Variants in FAM168A observed in about 807,000 individuals in gnomAD.
The protein encoded by FAM168A is protein FAM168A.
A neutral mutation model predicts 28.5 loss-of-function variants in FAM168A; 3 were observed. The ratio of observed to expected loss-of-function variants is 0.11; its 90% confidence interval spans 0.05 to 0.27. The LOEUF (loss-of-function observed/expected upper bound fraction) is 0.27. FAM168A is among the 10% of genes least tolerant of loss of function. The probability of loss-of-function intolerance (pLI) is 1.00; values close to 1 mark genes in which losing one functional copy is unlikely to be tolerated. For synonymous variants in FAM168A, 122 were observed against 124.2 expected (o/e 0.98, Z 0.12); for missense variants, 222 against 311.5 (o/e 0.71, Z 2.16).
At chr11:73,409,786 A>G (rs952887187) in intron 5 of FAM168A, 125 bp from the exon 6 acceptor site, 9 of 973,938 alleles carry the variant, frequency 9.2e-6, no homozygotes, top group Non-Finnish European at 1.4e-5. Flanking sequence ...TTACTATGTG[A>G]CTGTGGTCAG....
intron 1 of FAM168A, among the ~76,000 whole-genome samples, chr11:73,548,474 G>A (rs1026483741): frequency 2.6e-5 from 4 of 152,072 alleles, no homozygotes; most frequent in Non-Finnish European, 4.4e-5. Flanking sequence ...AACAGCCAGG[G>A]GCTCCAAGAC....
Position 73,411,458 on chromosome 11 carries a change from T to C in FAM168A, c.356A>G (p.Asn119Ser). The C allele has an allele frequency of 6.2e-7, 1 of 1,612,826 alleles. No homozygotes were observed. Residue 119 changes from asparagine (N) to serine (S), a missense_variant, in exon 5 of 8, where the codon AAC (asparagine) becomes AGC (serine). Asn to Ser is a conservative substitution (Grantham distance 46). This residue lies in a region of FAM168A where 153 missense variants were observed against 189.2 expected (regional missense o/e 0.81). Coordinates refer to ENST00000356467, the MANE Select transcript of FAM168A (RefSeq NM_015159.3). The part of the protein sequence containing the change: ...TAPPPYSPSP[N>S]PYQTAMYPIR... ...TGGATACATGGCCGTCTGATAGGGGTTGGGTGATGGGGAGTAGGGGGGTGG... is the reference window on the plus strand; with the variant it reads ...TGGATACATGGCCGTCTGATAGGGGCTGGGTGATGGGGAGTAGGGGGGTGG...
At chr11:73,591,433 C>T (rs1470854007) in intron 1 of FAM168A, among the ~76,000 whole-genome samples, 1 of 152,206 alleles carries the variant, frequency 6.6e-6, no homozygotes, top group Non-Finnish European at 1.5e-5. Flanking sequence ...CTGCCATAGA[C>T]ACTCAAATGT....
rs575353457 is a variant in FAM168A, at chr11:73,564,177, C to T, written c.-19+33746G>A. Among the ~76,000 whole-genome samples, 10 of 152,328 alleles carry T rather than the reference C, an allele frequency of 6.6e-5. No homozygotes were observed. In the South Asian group the frequency reaches 2.1e-3, roughly 32 times the overall value. ...AACACATTTACCCCTAAACCAATCA[C>T]TATGGCCGGAAGAATGTGATGCCTT... On this transcript the variant is annotated intron_variant, in intron 1 of 7. Coordinates refer to ENST00000356467, the MANE Select transcript of FAM168A (RefSeq NM_015159.3).
At chr11:73,586,051 G>A (rs1944310282) in intron 1 of FAM168A, among the ~76,000 whole-genome samples, 1 of 152,044 alleles carries the variant, frequency 6.6e-6, no homozygotes, top group African/African-American at 2.4e-5. Context: ...CTTAGCACTG[G>A]CTCAATCACT....
At chr11:73,455,285 C>A (rs986540260) in intron 2 of FAM168A, among the ~76,000 whole-genome samples, 1 of 152,222 alleles carries the variant, frequency 6.6e-6, no homozygotes, top group Non-Finnish European at 1.5e-5. Context: ...CCTGCCAGCG[C>A]CCAAAAGCAC....
rs1215716545 is a variant in FAM168A, at chr11:73,400,790, AC to A, written c.*5972del. The A allele has an allele frequency of 1.3e-5, 2 of 150,954 alleles. No individual in the cohort carries two copies. Among genetic ancestry groups the A allele is most frequent in the Admixed American group, 1.3e-4 (2 of 15,170 alleles). The allele number at this position is 150,954 out of a possible 1,614,324, so 9.4% of individuals were successfully genotyped here. ...GAACCACTCAGTCTAGTCACCTAAG[AC>A]TTTTTTTTGGGGGGGAATTTTTTTT... On this transcript the variant is annotated 3_prime_UTR_variant, in exon 8 of 8. Transcript: ENST00000356467.
intron 3 of FAM168A, among the ~76,000 whole-genome samples, chr11:73,426,134 T>C (rs1455793922): frequency 6.6e-6 from 1 of 152,244 alleles, no homozygotes; most frequent in African/African-American, 2.4e-5. Flanking sequence ...AAGATTCTCA[T>C]GAGGAGGTTA....
chr11:73,565,116 C>T (rs369748137), intron 1 of FAM168A, among the ~76,000 whole-genome samples: 2 of 152,150 alleles, frequency 1.3e-5, no homozygotes, highest in African/African-American at 4.8e-5. Flanking sequence ...TTGCTCAGCA[C>T]TTAAGTACAC....
chr11:73,558,492 AGTGGAAAGACAACCCACTGAATAAG>A (rs1943915958), intron 1 of FAM168A, among the ~76,000 whole-genome samples: 1 of 147,042 alleles, frequency 6.8e-6, no homozygotes, highest in Non-Finnish European at 1.5e-5. Flanking sequence ...AAAAAAAAAA[AGTGGAAAGACAACCCACTGAATAAG>A]AAAAAATATT....
intron 2 of FAM168A, among the ~76,000 whole-genome samples, chr11:73,467,640 A>G (rs1867755577): frequency 6.6e-6 from 1 of 152,214 alleles, no homozygotes; most frequent in Non-Finnish European, 1.5e-5. Context: ...GGCAGCCAGG[A>G]TCAAAGCAAA....
intron 1 of FAM168A, among the ~76,000 whole-genome samples, chr11:73,500,663 T>C (rs7129546): frequency 0.083 from 12,574 of 152,196 alleles, 648 homozygotes; most frequent in Non-Finnish European, 0.11. Flanking sequence ...CCACCAGGCC[T>C]GCCCTGCAAG....
At chr11:73,592,056 G>A (rs944699763) in intron 1 of FAM168A, among the ~76,000 whole-genome samples, 4 of 152,168 alleles carry the variant, frequency 2.6e-5, no homozygotes, top group South Asian at 2.1e-4. Flanking sequence ...AGCAGAAATC[G>A]TCAAGCTTGA....
In FAM168A at chr11:73,508,977, C is replaced by A. The variant is rs1316658259; in HGVS notation, c.-18-40485G>T. ...TCCCCTGCACATGCTCTCTTGCCTG[C>A]TGCCATGTAAGACATGCCTTTGCTC... On this transcript the variant is annotated intron_variant, in intron 1 of 7. Coordinates refer to ENST00000356467, the MANE Select transcript of FAM168A (RefSeq NM_015159.3). Among the ~76,000 whole-genome samples, 4 of 152,224 alleles carry A rather than the reference C, an allele frequency of 2.6e-5. No individual in the cohort carries two copies. The South Asian group carries it at 8.3e-4, about 32-fold the overall frequency.
At chr11:73,518,810 T>C (rs1036927211) in intron 1 of FAM168A, among the ~76,000 whole-genome samples, 9 of 152,076 alleles carry the variant, frequency 5.9e-5, no homozygotes, top group African/African-American at 1.2e-4. Flanking sequence ...GGCAGGAGAA[T>C]TGCTTGAACC....
chr11:73,411,444 C>T lies in FAM168A; in HGVS notation c.370G>A (p.Ala124Thr). 6.2e-7 allele frequency: 1 copy of T among 1,612,930 alleles called. No homozygotes were observed. Among genetic ancestry groups the T allele is most frequent in the Non-Finnish European group, 8.5e-7 (1 of 1,179,426 alleles). The change falls in exon 5 of 8, where the codon GCC (alanine) becomes ACC (threonine). Residue 124 changes from alanine (A) to threonine (T), a missense_variant. By Grantham distance (58) the Ala-to-Thr change is moderately conservative. Transcript: ENST00000356467. ...TAGGCACTTCTGATTGGATACATGG[C>T]CGTCTGATAGGGGTTGGGTGATGGG... ...YSPSPNPYQT[A>T]MYPIRSAYPQ...
chr11:73,466,750 G>C (rs11823113), intron 2 of FAM168A, among the ~76,000 whole-genome samples: 4,528 of 152,166 alleles, frequency 0.03, 222 homozygotes, highest in African/African-American at 0.1. Flanking sequence ...GAAAGAAAAA[G>C]AAATCCCTAT....
At position 73,487,151 on chromosome 11, in the gene FAM168A, A is replaced by G. The variant is rs76532769; in HGVS notation, c.-18-18659T>C. Among the ~76,000 whole-genome samples, 87 of 152,114 alleles carry G rather than the reference A, an allele frequency of 5.7e-4. No individual in the cohort carries two copies. In the East Asian group the frequency reaches 0.016, roughly 28 times the overall value. On this transcript the variant is annotated intron_variant, in intron 1 of 7. Coordinates refer to ENST00000356467, the MANE Select transcript of FAM168A (RefSeq NM_015159.3). ...CTCTCATCTTCCAGACTTTAATCCT[A>G]TGTGGCTCTGTACATTCCATGCTCC... is the stretch of plus-strand genomic sequence containing the variant.
chr11:73,431,209 G>T (rs1353013218), intron 2 of FAM168A, among the ~76,000 whole-genome samples: 1 of 152,096 alleles, frequency 6.6e-6, no homozygotes, highest in Non-Finnish European at 1.5e-5. Context: ...AGGCGTGGTG[G>T]TGGGCGCCTG....
Sources: allele counts gnomAD v4.1 joint callset (sites outside exome capture counted in the v4.1 genomes callset), GRCh38; gene constraint gnomAD v4.1.1; regional missense constraint gnomAD v4.1.1; transcripts MANE v1.5; gene names NCBI Gene and HGNC (gene_info 2026-07-23, HGNC 2026-07-21).